Variants in ZGRF1 observed in about 807,000 individuals in gnomAD.
The protein encoded by ZGRF1 is 5'-3' DNA helicase ZGRF1.
A neutral mutation model predicts 203.5 loss-of-function variants in ZGRF1; 196 were observed. That is an observed-to-expected ratio of 0.96 (90% CI 0.86 to 1.08). The LOEUF (loss-of-function observed/expected upper bound fraction) is 1.08. Ranked by LOEUF, ZGRF1 falls within the 50% of genes least tolerant of loss-of-function variation. ZGRF1 has a pLI of 0.00. For missense variants in ZGRF1, 2,326 were observed against 2,416.3 expected (o/e 0.96, Z 0.78); for synonymous variants, 809 against 841.3 (o/e 0.96, Z 0.66).
rs747390543 is a variant in ZGRF1 at position 112,619,166 on chromosome 4, TTTAGTAGCAA to T, written c.866_875del (p.Ile289AsnfsTer5). The T allele has an allele frequency of 5.6e-6, 9 of 1,613,544 alleles. No individual in the cohort carries two copies. Among genetic ancestry groups the T allele is most frequent in the Admixed American group, 3.3e-5 (2 of 59,992 alleles). ...CTTCCTGTTGAATTAGGTACTTTGGTTTAGTAGCAATTTTTAAACTTCCTTGTGGTTGTTT... is the reference window on the plus strand; with the variant it reads ...CTTCCTGTTGAATTAGGTACTTTGGTTTTTTAAACTTCCTTGTGGTTGTTT... On this transcript the variant is annotated frameshift_variant, in exon 6 of 28. Coordinates refer to ENST00000505019, the MANE Select transcript of ZGRF1 (RefSeq NM_018392.5). LOFTEE classifies it high-confidence loss of function.
chr4:112,568,043 A>G (rs184915188), intron 16 of ZGRF1, among the ~76,000 whole-genome samples: 7 of 152,342 alleles, frequency 4.6e-5, no homozygotes, highest in African/African-American at 1.7e-4. Flanking sequence ...ATCAATAGCC[A>G]ATTCAGATAA....
intron 21 of ZGRF1, 75 bp from the exon 22 acceptor site, chr4:112,554,057 C>CT (rs1212662961): frequency 3.3e-5 from 45 of 1,351,128 alleles, no homozygotes; most frequent in Non-Finnish European, 3.6e-5. Context: ...TATAGATTTT[C>CT]TTTTTTTTAT....
chr4:112,620,525 G>C (rs1021406479), intron 4 of ZGRF1, among the ~76,000 whole-genome samples: 1 of 152,106 alleles, frequency 6.6e-6, no homozygotes, highest in African/African-American at 2.4e-5. Context: ...ACCAGCCTGG[G>C]CAAAATATTG....
Position 112,571,332 on chromosome 4 carries a change from A to C in ZGRF1, c.4439-8058T>G, listed in dbSNP as rs193126285. On this transcript the variant is annotated intron_variant, in intron 16 of 27. Transcript: ENST00000505019. ...GCTGATCTTCTGATCAATAAAGCCAAGTCAGTTCTTCGAAAACAATAACAA... is the reference window on the plus strand; with the variant it reads ...GCTGATCTTCTGATCAATAAAGCCACGTCAGTTCTTCGAAAACAATAACAA... Among the ~76,000 whole-genome samples the C allele has an allele frequency of 2.2e-3, 332 of 152,340 alleles. 2 individuals carry two copies. Among genetic ancestry groups the C allele is most frequent in the Non-Finnish European group, 2.4e-3 (163 of 68,030 alleles).
At chr4:112,556,600 G>C (rs1270994630) in intron 20 of ZGRF1, among the ~76,000 whole-genome samples, 2 of 152,078 alleles carry the variant, frequency 1.3e-5, no homozygotes, top group East Asian at 3.9e-4. Flanking sequence ...ATGTTTGTTG[G>C]CCAGGCTAGT....
intron 16 of ZGRF1, chr4:112,565,430 C>A (rs866545891): frequency 0.05 from 25,506 of 509,318 alleles, 7 homozygotes; most frequent in South Asian, 0.11. Context: ...ATTTCATTCT[C>A]AAAAAAAAAA....
chr4:112,568,238 T>C (rs188901433), intron 16 of ZGRF1, among the ~76,000 whole-genome samples: 192 of 152,050 alleles, frequency 1.3e-3, no homozygotes, highest in African/African-American at 4.0e-3. Context: ...AAGATCCATT[T>C]CCCAGAAGTA....
At chr4:112,549,113 C>CAAAAAAAAA (rs771730607) in intron 22 of ZGRF1, among the ~76,000 whole-genome samples, 1 of 16,822 alleles carries the variant, frequency 5.9e-5, no homozygotes, top group African/African-American at 2.5e-4. Context: ...GACTCCGTCT[C>CAAAAAAAAA]AAAAAAAAAA....
chr4:112,618,988 G>A lies in ZGRF1; in HGVS notation c.1054C>T (p.Pro352Ser), dbSNP rs2046977500. 1.2e-6 allele frequency: 2 copies of A among 1,613,490 alleles called. No homozygotes were observed. The highest frequency in any genetic ancestry group is 2.2e-5 in the East Asian group (1 of 44,868). ...TTTACATCATCTTCCTGGGCCTTGG[G>A]TTTCCTTTCTGTATCATTCCCATCT... The part of the protein sequence containing the change: ...TVDGNDTERK[P>S]KAQEDDVNSN... The change falls in exon 6 of 28, where the codon CCC becomes TCC. Residue 352 changes from proline to serine, a missense_variant. Pro to Ser is a moderately conservative substitution (Grantham distance 74). Transcript: ENST00000505019.
intron 22 of ZGRF1, among the ~76,000 whole-genome samples, chr4:112,550,299 T>C (rs972705452): frequency 3.3e-5 from 5 of 151,944 alleles, no homozygotes; most frequent in African/African-American, 1.2e-4. Flanking sequence ...AATGTGTTTG[T>C]ATCTTAGTTT....
chr4:112,592,867 G>A (rs985201828), intron 10 of ZGRF1, among the ~76,000 whole-genome samples: 2 of 152,200 alleles, frequency 1.3e-5, no homozygotes, highest in Admixed American at 1.3e-4. Flanking sequence ...ACAGCCTTTA[G>A]GAGATAACTA....
chr4:112,590,762 C>G (rs1251603131), intron 10 of ZGRF1, among the ~76,000 whole-genome samples: 1 of 151,778 alleles, frequency 6.6e-6, no homozygotes, highest in African/African-American at 2.4e-5. Flanking sequence ...CCCATCTCTA[C>G]TAAAATACAA....
rs887469921 is a variant in ZGRF1 at position 112,587,150 on chromosome 4, C to T, written c.3777+130G>A. The T allele has an allele frequency of 4.1e-6, 3 of 729,960 alleles. No individual in the cohort carries two copies. The Admixed American group carries it at 7.8e-5, about 19-fold the overall frequency. The allele number at this position is 729,960 out of a possible 1,614,324, so 45.2% of individuals were successfully genotyped here. A position where few individuals can be genotyped will look rare whatever the true frequency, so the allele number is the denominator to read the frequency against. ...TAAGTAAAGGATGATGTAACTGTAG[C>T]TCAGAGTTAGGATCAAAAAAAGCCA... On this transcript the variant is annotated intron_variant, in intron 12 of 27. Transcript: ENST00000505019.
At chr4:112,634,037 A>G (rs887470924) in intron 1 of ZGRF1, among the ~76,000 whole-genome samples, 3 of 152,218 alleles carry the variant, frequency 2.0e-5, no homozygotes, top group Non-Finnish European at 2.9e-5. Flanking sequence ...ACCTAGAAGG[A>G]TTCAATAAAG....
intron 10 of ZGRF1, among the ~76,000 whole-genome samples, chr4:112,591,835 G>C (rs561080750): frequency 3.3e-5 from 5 of 152,166 alleles, no homozygotes; most frequent in Admixed American, 6.5e-5. Context: ...CTACATACCA[G>C]TGTCATTCTT....
chr4:112,583,995 T>C lies in ZGRF1; in HGVS notation c.4281A>G (p.Glu1427=), dbSNP rs1441873647. ...AAACATACCTCACCAAAAGCTGGCA[T>C]TCCTCATAAAGTGGTATCTTTTGAC... The part of the protein sequence containing the change: ...LRSQKIPLYE[E]CQLLVRKGFD... The change falls in exon 15 of 28, where the codon GAA becomes GAG. Residue 1427 remains glutamate, a synonymous_variant. Coordinates refer to ENST00000505019, the MANE Select transcript of ZGRF1 (RefSeq NM_018392.5). The C allele has an allele frequency of 6.2e-7, 1 of 1,601,198 alleles. No homozygotes were observed.
At chr4:112,627,539 G>C (rs1194704532) in intron 3 of ZGRF1, among the ~76,000 whole-genome samples, 1 of 152,074 alleles carries the variant, frequency 6.6e-6, no homozygotes, top group Admixed American at 6.6e-5. Context: ...TCGAGAGTTT[G>C]AGACCAACCT....
At chr4:112,629,095 C>A (rs1382182197) in intron 3 of ZGRF1, among the ~76,000 whole-genome samples, 1 of 152,126 alleles carries the variant, frequency 6.6e-6, no homozygotes, top group African/African-American at 2.4e-5. Flanking sequence ...CTCGACATGT[C>A]CCTTGGTGAT....
intron 24 of ZGRF1, chr4:112,546,955 AAAAAATGTTAATAATTT>A: frequency 6.2e-6 from 1 of 162,522 alleles, no homozygotes. Flanking sequence ...AACCCCAATT[AAAAAATGTTAATAATTT>A]AAAAATTATT....
Sources: allele counts gnomAD v4.1 joint callset (sites outside exome capture counted in the v4.1 genomes callset), GRCh38; gene constraint gnomAD v4.1.1; transcripts MANE v1.5; gene names NCBI Gene and HGNC (gene_info 2026-07-23, HGNC 2026-07-21).